The following IFT80 variants were observed in gnomAD, a reference collection of about 807,000 sequenced individuals.
IFT80 encodes the protein intraflagellar transport protein 80 homolog.
Under a neutral mutation model 107.9 loss-of-function variants are expected in IFT80, and 79 were observed. The ratio of observed to expected loss-of-function variants is 0.73; its 90% CI spans 0.61 to 0.88. IFT80 has a LOEUF of 0.88. Among genes scored for constraint, IFT80 ranks in the 40% least tolerant of loss-of-function variants. The pLI is 0.00. For synonymous variants in IFT80, 299 were observed against 300.9 expected (o/e 0.99, Z 0.07); for missense variants, 797 against 914.2 (o/e 0.87, Z 1.65).
chr3:160,275,812 T>A (rs1298842117), intron 18 of IFT80, among the ~76,000 whole-genome samples: 1 of 152,174 alleles, frequency 6.6e-6, no homozygotes, highest in East Asian at 1.9e-4. Context: ...CTATAAGTTA[T>A]TTAACATAAA....
At chr3:160,280,847 G>A (rs1714634643) in intron 14 of IFT80, 33 bp from the exon 15 acceptor site, 1 of 1,576,804 alleles carries the variant, frequency 6.3e-7, no homozygotes. Flanking sequence ...TGTGCTATTA[G>A]CTTTAATATG....
At chr3:160,319,151 G>C (rs911851479) in intron 9 of IFT80, among the ~76,000 whole-genome samples, 5 of 151,970 alleles carry the variant, frequency 3.3e-5, no homozygotes, top group African/African-American at 1.2e-4. Flanking sequence ...CCAGTGTCAT[G>C]TAAAACTTAC....
rs919569035 is a variant in IFT80 at position 160,303,971 on chromosome 3, T to C, written c.1095A>G (p.Thr365=). ...CYVFSTKNWN[T]PIIFDLKEGT... ...CTTCTTTGAGATCAAATATAATTGG[T>C]GTGTTCCAGTTCTTCGTGCTAAAAG... The change falls in exon 11 of 20, where the codon ACA becomes ACG. Residue 365 remains threonine, a synonymous_variant. Coordinates refer to ENST00000326448, the MANE Select transcript of IFT80 (RefSeq NM_020800.3). 2 of 1,610,506 alleles carry C rather than the reference T, an allele frequency of 1.2e-6. No individual in the cohort carries two copies. The highest frequency in any genetic ancestry group is 1.7e-6 in the Non-Finnish European group (2 of 1,176,990).
chr3:160,281,994 T>C (rs895335546), intron 14 of IFT80, among the ~76,000 whole-genome samples: 2 of 152,202 alleles, frequency 1.3e-5, no homozygotes, highest in African/African-American at 2.4e-5. Context: ...AGCTTTCAAA[T>C]AGGCCAGGCC....
At chr3:160,283,458 T>C (rs1333959105) in intron 13 of IFT80, among the ~76,000 whole-genome samples, 2 of 152,156 alleles carry the variant, frequency 1.3e-5, no homozygotes, top group African/African-American at 4.8e-5. Context: ...AAAACACACA[T>C]ACACCTTTAT....
rs568562430 is a variant in IFT80 at position 160,377,351 on chromosome 3, C to T, written c.370+79G>A. On this transcript the variant is annotated intron_variant, in intron 4 of 19. Coordinates refer to ENST00000326448, the MANE Select transcript of IFT80 (RefSeq NM_020800.3). Reference sequence around the variant, plus strand: ...TATTACACAATGAAAGACACTATTGCTAAATGAAAATATTCTGTTTCTTTG... The same window carrying T: ...TATTACACAATGAAAGACACTATTGTTAAATGAAAATATTCTGTTTCTTTG... 1.3e-4 allele frequency: 108 copies of T among 833,960 alleles called. No homozygotes were observed. In the African/African-American group the frequency reaches 1.6e-3, roughly 12 times the overall value. The allele number at this position is 833,960 out of a possible 1,614,324, so 51.7% of individuals were successfully genotyped here. A position where few individuals can be genotyped will look rare whatever the true frequency, so the allele number is the denominator to read the frequency against.
chr3:160,314,611 A>G (rs981467866), intron 9 of IFT80, among the ~76,000 whole-genome samples: 1 of 152,214 alleles, frequency 6.6e-6, no homozygotes, highest in Non-Finnish European at 1.5e-5. Context: ...ATAAACCAAA[A>G]GCCAAAGAAG....
intron 6 of IFT80, among the ~76,000 whole-genome samples, chr3:160,362,954 G>C (rs1721605586): frequency 6.6e-6 from 1 of 152,124 alleles, no homozygotes; most frequent in Non-Finnish European, 1.5e-5. Flanking sequence ...TTGAAAACTG[G>C]CACAAGACAG....
intron 19 of IFT80, among the ~76,000 whole-genome samples, chr3:160,265,973 C>T (rs1186981701): frequency 6.6e-6 from 1 of 151,970 alleles, no homozygotes; most frequent in Non-Finnish European, 1.5e-5. Context: ...ATGCAGATAT[C>T]CCCAAGAGCT....
At chr3:160,312,282 C>A (rs1717330266) in intron 9 of IFT80, among the ~76,000 whole-genome samples, 1 of 151,678 alleles carries the variant, frequency 6.6e-6, no homozygotes, top group African/African-American at 2.4e-5. Context: ...ACATATGAAG[C>A]CCCATGTAGC....
intron 8 of IFT80, among the ~76,000 whole-genome samples, chr3:160,331,039 G>A (rs1016250057): frequency 7.9e-5 from 12 of 152,108 alleles, no homozygotes; most frequent in Non-Finnish European, 1.6e-4. Flanking sequence ...TACCATAGAT[G>A]TTAGCAACCT....
intron 8 of IFT80, among the ~76,000 whole-genome samples, chr3:160,344,325 A>T (rs772745487): frequency 1.3e-5 from 2 of 152,078 alleles, no homozygotes; most frequent in Non-Finnish European, 2.9e-5. Context: ...GAGCATATTT[A>T]AGATCACTGA....
chr3:160,395,391 G>A (rs1239990202), intron 1 of IFT80, among the ~76,000 whole-genome samples: 1 of 152,186 alleles, frequency 6.6e-6, no homozygotes, highest in Non-Finnish European at 1.5e-5. Context: ...AGTATTTCCA[G>A]TGAAAGTTGT....
intron 9 of IFT80, among the ~76,000 whole-genome samples, chr3:160,319,243 GA>G (rs1485377983): frequency 6.6e-6 from 1 of 151,778 alleles, no homozygotes; most frequent in Admixed American, 6.6e-5. Flanking sequence ...GATGGGTAGA[GA>G]TATTTTTCTT....
chr3:160,287,117 G>A lies in IFT80; in HGVS notation c.1316-1249C>T, dbSNP rs541684546. The stretch of plus-strand genomic sequence containing the variant: ...CAAATTCTGAACGCCAAAGCTCAGC[G>A]GAGCTTCCTGGTTAGTGAACACACT... On this transcript the variant is annotated intron_variant, in intron 12 of 19. Transcript: ENST00000326448. Among the ~76,000 whole-genome samples, 11 of 152,258 alleles carry A rather than the reference G, an allele frequency of 7.2e-5. No homozygotes were observed. The South Asian group carries it at 1.0e-3, about 14-fold the overall frequency.
Position 160,356,022 on chromosome 3 carries a change from A to T in IFT80, c.768T>A (p.Asp256Glu), listed in dbSNP as rs369964915. Reference sequence around the variant, plus strand: ...CACCACTATAACTTACCCCAGTTTTATCACACAAGCGTAAAGTATGAAACG... The same window carrying T: ...CACCACTATAACTTACCCCAGTTTTTTCACACAAGCGTAAAGTATGAAACG... ...VGSFHTLRLC[D>E]KTGWSYALEK... The change falls in exon 8 of 20, where the codon GAT (aspartate) becomes GAA (glutamate). Residue 256 changes from aspartate (D) to glutamate (E), a missense_variant. By Grantham distance (45) the Asp-to-Glu change is conservative (BLOSUM62 2). Coordinates refer to ENST00000326448, the MANE Select transcript of IFT80 (RefSeq NM_020800.3). The T allele has an allele frequency of 1.9e-6, 3 of 1,614,060 alleles. No homozygotes were observed. The highest frequency in any genetic ancestry group is 2.5e-6 in the Non-Finnish European group (3 of 1,179,940).
chr3:160,375,365 G>A (rs181984246), intron 5 of IFT80, among the ~76,000 whole-genome samples: 275 of 152,184 alleles, frequency 1.8e-3, no homozygotes, highest in Middle Eastern at 3.4e-3. Flanking sequence ...CCCTCCATCA[G>A]TATAGAAATC....
chr3:160,295,840 A>G (rs1218276508), intron 12 of IFT80, among the ~76,000 whole-genome samples: 1 of 152,242 alleles, frequency 6.6e-6, no homozygotes, highest in African/African-American at 2.4e-5. Context: ...AAATCCTGCA[A>G]CATGTAACAA....
At chr3:160,320,594 A>G (rs1718134990) in intron 8 of IFT80, among the ~76,000 whole-genome samples, 2 of 151,860 alleles carry the variant, frequency 1.3e-5, no homozygotes, top group Admixed American at 1.3e-4. Flanking sequence ...TTTTTAATAC[A>G]TGGTATTATA....
Sources: allele counts gnomAD v4.1 joint callset (sites outside exome capture counted in the v4.1 genomes callset), GRCh38; gene constraint gnomAD v4.1.1; transcripts MANE v1.5; gene names NCBI Gene and HGNC (gene_info 2026-07-23, HGNC 2026-07-21).